The following CPPED1 variants were observed in gnomAD, a reference collection of about 807,000 sequenced individuals.
CPPED1 encodes the protein serine/threonine-protein phosphatase CPPED1.
A neutral mutation model predicts 28.0 loss-of-function variants in CPPED1; 28 were observed. The observed-to-expected ratio is 1.00, with a 90% CI of 0.74 to 1.37. The LOEUF is 1.37. Among genes scored for constraint, CPPED1 ranks in the 40% most tolerant of loss-of-function variants. CPPED1 has a pLI of 0.00. For synonymous variants in CPPED1, 198 were observed against 180.2 expected (o/e 1.10, Z -0.79); for missense variants, 504 against 416.5 (o/e 1.21, Z -1.83).
At chr16:12,799,252 T>G (rs973992733) in intron 1 of CPPED1, among the ~76,000 whole-genome samples, 3 of 82,442 alleles carry the variant, frequency 3.6e-5, no homozygotes, top group African/African-American at 3.1e-4. Context: ...AGTTTTTTTT[T>G]TTTTTTTTTT....
At chr16:12,720,160 C>T (rs1235596411) in intron 2 of CPPED1, among the ~76,000 whole-genome samples, 2 of 152,150 alleles carry the variant, frequency 1.3e-5, no homozygotes, top group Admixed American at 6.5e-5. Context: ...GAGAGATACG[C>T]TCTTGGTTTG....
rs147447784 is a variant in CPPED1 at position 12,709,534 on chromosome 16, G to A, written c.290-4485C>T. The stretch of plus-strand genomic sequence containing the variant: ...ACTAGGAGGTAAAAAGCATGATAAC[G>A]ATAATTACAAAATTCTTATTTGTAT... On this transcript the variant is annotated intron_variant, in intron 2 of 3. Coordinates refer to ENST00000381774, the MANE Select transcript of CPPED1 (RefSeq NM_018340.3). The surrounding 1 kb of genome is among the most constrained non-coding windows in gnomAD (Gnocchi z 4.4). Among the ~76,000 whole-genome samples, 1 of 152,138 alleles carries A rather than the reference G, an allele frequency of 6.6e-6. No individual in the cohort carries two copies. The highest frequency in any genetic ancestry group is 1.5e-5 in the Non-Finnish European group (1 of 68,030).
chr16:12,689,960 G>C (rs1218477469), intron 3 of CPPED1, among the ~76,000 whole-genome samples: 1 of 152,182 alleles, frequency 6.6e-6, no homozygotes, highest in Non-Finnish European at 1.5e-5. Context: ...CTGCATACTG[G>C]CAGTAACAAC....
intron 2 of CPPED1, among the ~76,000 whole-genome samples, chr16:12,779,712 A>G (rs1031460098): frequency 6.6e-6 from 1 of 151,724 alleles, no homozygotes; most frequent in African/African-American, 2.4e-5. Context: ...TGTTCTAGAT[A>G]AGTGGGCTGC....
At chr16:12,717,946 C>G (rs1019330013) in intron 2 of CPPED1, among the ~76,000 whole-genome samples, 1 of 151,952 alleles carries the variant, frequency 6.6e-6, no homozygotes, top group African/African-American at 2.4e-5. Context: ...CCGACTTGTT[C>G]CTATATTTTT....
chr16:12,695,014 G>A (rs1014916261), intron 3 of CPPED1, among the ~76,000 whole-genome samples: 1 of 152,024 alleles, frequency 6.6e-6, no homozygotes, highest in African/African-American at 2.4e-5. Context: ...CTGACCTCAG[G>A]TGATCCACCG....
rs537956515 is a variant in CPPED1 at position 12,750,708 on chromosome 16, C to T, written c.289+30477G>A. Among the ~76,000 whole-genome samples, 12 of 152,270 alleles carry T rather than the reference C, an allele frequency of 7.9e-5. No homozygotes were observed. The South Asian group carries it at 1.2e-3, about 16-fold the overall frequency. Reference sequence around the variant, plus strand: ...AACAGAGGCCGGGCGCAGTGGCTCACGCCTATAGTCCCAGTACTTTGGGAG... The same window carrying T: ...AACAGAGGCCGGGCGCAGTGGCTCATGCCTATAGTCCCAGTACTTTGGGAG... On this transcript the variant is annotated intron_variant, in intron 2 of 3. Transcript: ENST00000381774.
Position 12,781,691 on chromosome 16 carries a change from C to T in CPPED1, c.71-288G>A, listed in dbSNP as rs562853982. ...CAAGCTAGACAGCCAAAAGGAAGCA[C>T]GGGCCACAAGAGAACCCAATGCAGA... On this transcript the variant is annotated intron_variant, in intron 1 of 3. Transcript: ENST00000381774. Among the ~76,000 whole-genome samples, 6 of 152,216 alleles carry T rather than the reference C, an allele frequency of 3.9e-5. No homozygotes were observed. The East Asian group carries it at 5.8e-4, about 15-fold the overall frequency.
chr16:12,779,755 T>C (rs1449072123), intron 2 of CPPED1, among the ~76,000 whole-genome samples: 1 of 152,074 alleles, frequency 6.6e-6, no homozygotes, highest in Non-Finnish European at 1.5e-5. Context: ...GAGGAACTGA[T>C]ACACTCAGGC....
At chr16:12,756,371 T>C (rs577396752) in intron 2 of CPPED1, among the ~76,000 whole-genome samples, 2 of 152,266 alleles carry the variant, frequency 1.3e-5, no homozygotes, top group South Asian at 4.1e-4. Flanking sequence ...CCACGCAAAC[T>C]ACTCTGGGGC....
At chr16:12,740,253 C>T (rs1485050323) in intron 2 of CPPED1, among the ~76,000 whole-genome samples, 1 of 151,850 alleles carries the variant, frequency 6.6e-6, no homozygotes, top group Non-Finnish European at 1.5e-5. Context: ...CAACACCAGC[C>T]TGGCCAACAT....
chr16:12,686,695 A>T (rs1325033724), intron 3 of CPPED1, among the ~76,000 whole-genome samples: 1 of 152,198 alleles, frequency 6.6e-6, no homozygotes. Flanking sequence ...CTGTATGACA[A>T]CTTGGAGGCA....
chr16:12,736,950 G>A (rs1236839791), intron 2 of CPPED1, among the ~76,000 whole-genome samples: 1 of 152,122 alleles, frequency 6.6e-6, no homozygotes, highest in Non-Finnish European at 1.5e-5. Flanking sequence ...AGCACCTTGG[G>A]AGGCCCAGGT....
At chr16:12,732,965 G>C (rs945827192) in intron 2 of CPPED1, among the ~76,000 whole-genome samples, 1 of 152,170 alleles carries the variant, frequency 6.6e-6, no homozygotes, top group Non-Finnish European at 1.5e-5. Flanking sequence ...TAAGATCACA[G>C]CTGTTAGCAG....
intron 3 of CPPED1, among the ~76,000 whole-genome samples, chr16:12,696,975 C>CACAGTA: frequency 6.6e-6 from 1 of 152,228 alleles, no homozygotes; most frequent in East Asian, 1.9e-4. Context: ...CCAAGTTTTG[C>CACAGTA]CTTATCTGCA....
chr16:12,708,641 A>T (rs1309727398), intron 2 of CPPED1, among the ~76,000 whole-genome samples: 1 of 152,228 alleles, frequency 6.6e-6, no homozygotes, highest in Non-Finnish European at 1.5e-5. Context: ...GATTACAAAA[A>T]CCCAAGTTGA....
intron 2 of CPPED1, among the ~76,000 whole-genome samples, chr16:12,752,120 C>T (rs1197799897): frequency 6.6e-6 from 1 of 152,118 alleles, no homozygotes. Context: ...TAAACTAGTT[C>T]TGGTTTATAA....
intron 2 of CPPED1, among the ~76,000 whole-genome samples, chr16:12,711,961 G>C (rs561064755): frequency 1.2e-4 from 19 of 152,268 alleles, no homozygotes; most frequent in African/African-American, 3.9e-4. Flanking sequence ...GGTCTCAGGT[G>C]TTCAGAGATC....
At chr16:12,778,277 C>CTTTTT (rs371883790) in intron 2 of CPPED1, among the ~76,000 whole-genome samples, 10 of 116,164 alleles carry the variant, frequency 8.6e-5, no homozygotes, top group East Asian at 2.4e-4. Context: ...TTCTTTCTTT[C>CTTTTT]TTTTTTTTTT....
Sources: allele counts gnomAD v4.1 joint callset (sites outside exome capture counted in the v4.1 genomes callset), GRCh38; gene constraint gnomAD v4.1.1; non-coding constraint Gnocchi (gnomAD v3.1); transcripts MANE v1.5; gene names NCBI Gene and HGNC (gene_info 2026-07-23, HGNC 2026-07-21).